The following BEGAIN variants were observed in gnomAD, a reference collection of about 807,000 sequenced individuals.
BEGAIN encodes the protein brain-enriched guanylate kinase-associated protein.
A neutral mutation model predicts 35.8 loss-of-function variants in BEGAIN; 19 were observed. That is an observed-to-expected ratio of 0.53 (90% CI 0.37 to 0.78). The LOEUF is 0.78. Ranked by LOEUF, BEGAIN falls within the 30% of genes least tolerant of loss-of-function variation. The pLI is 0.00. For missense variants in BEGAIN, 795 were observed against 853.6 expected (o/e 0.93, Z 0.85); for synonymous variants, 462 against 388.6 (o/e 1.19, Z -2.22).
Position 100,537,861 on chromosome 14 carries a change from G to T in BEGAIN, c.*108C>A, listed in dbSNP as rs897196373. On this transcript the variant is annotated 3_prime_UTR_variant, in exon 7 of 7. Coordinates refer to ENST00000554140, the MANE Select transcript of BEGAIN (RefSeq NM_001385089.1). ...TGCGGGGAGGAACAGACTCCTCGTT[G>T]TTGGCCGGGGCAGGGGAACAGCGGG... is the stretch of plus-strand genomic sequence containing the variant. 9.1e-6 allele frequency: 13 copies of T among 1,431,804 alleles called. No individual in the cohort carries two copies. The African/African-American group carries it at 1.6e-4, about 18-fold the overall frequency. 88.7% of individuals were successfully genotyped at this position (1,431,804 alleles called of 1,614,324 possible).
In BEGAIN at chr14:100,546,681, G is replaced by A. The variant is rs1287084771; in HGVS notation, c.72-19C>T. ...CAGCGCGCTGCAACGACATGGCGGC[G>A]GCGGGCCGGGCCGCGGCGCTGAGCG... On this transcript the variant is annotated intron_variant, in intron 2 of 6. Transcript: ENST00000554140. 3 of 1,543,878 alleles carry A rather than the reference G, an allele frequency of 1.9e-6. No individual in the cohort carries two copies. The highest frequency in any genetic ancestry group is 2.6e-6 in the Non-Finnish European group (3 of 1,150,242).
chr14:100,579,182 T>C (rs2139759775), intron 1 of BEGAIN, among the ~76,000 whole-genome samples: 1 of 152,320 alleles, frequency 6.6e-6, no homozygotes, highest in East Asian at 1.9e-4. Flanking sequence ...CTTCTTTAAC[T>C]TGAAAGAAAA....
intron 3 of BEGAIN, chr14:100,545,339 T>C (rs1175389889): frequency 1.5e-5 from 20 of 1,322,914 alleles, no homozygotes; most frequent in Non-Finnish European, 1.8e-5. Flanking sequence ...GGAAGGCTTG[T>C]TATTCACAAG....
intron 2 of BEGAIN, among the ~76,000 whole-genome samples, chr14:100,552,357 A>T (rs901318565): frequency 2.0e-5 from 3 of 152,190 alleles, no homozygotes. Context: ...CCAGGTAACA[A>T]CACTTGGATG....
intron 5 of BEGAIN, 60 bp from the exon 6 acceptor site, chr14:100,540,639 A>C (rs1368450998): frequency 6.6e-6 from 9 of 1,366,334 alleles, no homozygotes; most frequent in Admixed American, 2.0e-5. Flanking sequence ...CGCCGCCCTG[A>C]CCAGCGCCAA....
At chr14:100,585,979 C>T (rs893965012) in intron 1 of BEGAIN, among the ~76,000 whole-genome samples, 1 of 152,226 alleles carries the variant, frequency 6.6e-6, no homozygotes, top group African/African-American at 2.4e-5. Flanking sequence ...TAGTGAGAGT[C>T]GGGAAAATTA....
At chr14:100,552,735 C>T (rs1243575138) in intron 2 of BEGAIN, among the ~76,000 whole-genome samples, 3 of 152,236 alleles carry the variant, frequency 2.0e-5, no homozygotes, top group African/African-American at 4.8e-5. Flanking sequence ...ATGGCCCCAG[C>T]GGGAGCCAGT....
At chr14:100,574,805 G>A (rs568933506) in intron 1 of BEGAIN, among the ~76,000 whole-genome samples, 4 of 152,282 alleles carry the variant, frequency 2.6e-5, no homozygotes, top group South Asian at 2.1e-4. Context: ...TCACTCAGCC[G>A]GAAAGCCTCT....
rs944947800 is a variant in BEGAIN at position 100,554,879 on chromosome 14, GCCC to G, written c.72-8220_72-8218del. 2.0e-5 allele frequency among the ~76,000 whole-genome samples: 3 copies of G among 152,214 alleles called. No individual in the cohort carries two copies. In the East Asian group the frequency reaches 5.8e-4, roughly 29 times the overall value. The stretch of plus-strand genomic sequence containing the variant: ...CACAGCCCCAGCCTCGCCATTCCTG[GCCC>G]CCCCCACCTTCCCGCCAGGCACGCT... On this transcript the variant is annotated intron_variant, in intron 2 of 6. Transcript: ENST00000554140.
chr14:100,556,339 C>T (rs912007186), intron 2 of BEGAIN, among the ~76,000 whole-genome samples: 1 of 152,164 alleles, frequency 6.6e-6, no homozygotes, highest in Admixed American at 6.5e-5. Flanking sequence ...AGCCCTGCCC[C>T]GCTGCCCCCC....
Position 100,568,651 on chromosome 14 carries a change from AGCCGGGCAGCCCCTCCGCGC to A in BEGAIN, c.43-732_43-713del. On this transcript the variant is annotated intron_variant, in intron 1 of 6. Coordinates refer to ENST00000554140, the MANE Select transcript of BEGAIN (RefSeq NM_001385089.1). The surrounding 1 kb of genome is among the most constrained non-coding windows in gnomAD (Gnocchi z 7.5). The stretch of plus-strand genomic sequence containing the variant: ...AGACCCTCCCTGCCCAGCCCCGCTC[AGCCGGGCAGCCCCTCCGCGC>A]GCCGGGCAGGGGGACCCACCCGCCG... The A allele has an allele frequency of 3.8e-6, 2 of 524,080 alleles. No homozygotes were observed. The highest frequency in any genetic ancestry group is 4.9e-6 in the Non-Finnish European group (2 of 408,886). 32.5% of individuals were successfully genotyped at this position (524,080 alleles called of 1,614,324 possible).
chr14:100,538,615 G>A lies in BEGAIN; in HGVS notation c.1193C>T (p.Thr398Ile), dbSNP rs750907057. 18 of 1,549,604 alleles carry A rather than the reference G, an allele frequency of 1.2e-5. No individual in the cohort carries two copies. The highest frequency in any genetic ancestry group is 1.6e-5 in the Non-Finnish European group (18 of 1,146,430). Residue 398 changes from threonine (T) to isoleucine (I), a missense_variant, in exon 7 of 7, where the codon ACC becomes ATC. Thr to Ile is a moderately conservative substitution (Grantham distance 89, BLOSUM62 -1). Around this residue, in one of 3 missense-constraint regions of BEGAIN, gnomAD observed 664 missense variants for 647.7 expected, o/e 1.03. Coordinates refer to ENST00000554140, the MANE Select transcript of BEGAIN (RefSeq NM_001385089.1). The part of the protein sequence containing the change: ...GRTMSPYPAE[T>I]FRFPASPGPQ... ...ACCCGGAGAGGCCGGGAAGCGGAAGGTCTCGGCCGGGTACGGTGACATGGT... is the reference window on the plus strand; with the variant it reads ...ACCCGGAGAGGCCGGGAAGCGGAAGATCTCGGCCGGGTACGGTGACATGGT...
In BEGAIN at chr14:100,568,616, C is replaced by A; in HGVS notation, c.43-677G>T. The A allele has an allele frequency of 1.0e-6, 1 of 982,764 alleles. No homozygotes were observed. Among genetic ancestry groups the A allele is most frequent in the South Asian group, 1.6e-5 (1 of 63,774 alleles). The allele number at this position is 982,764 out of a possible 1,614,324, so 60.9% of individuals were successfully genotyped here. A position where few individuals can be genotyped will look rare whatever the true frequency, so the allele number is the denominator to read the frequency against. Reference sequence around the variant, plus strand: ...CCTTGCTTGCGCAGACCCGCCCGCGCGCGGCTTGGAGACCCTCCCTGCCCA... The same window carrying A: ...CCTTGCTTGCGCAGACCCGCCCGCGAGCGGCTTGGAGACCCTCCCTGCCCA... On this transcript the variant is annotated intron_variant, in intron 1 of 6. Transcript: ENST00000554140. The surrounding 1 kb of genome is among the most constrained non-coding windows in gnomAD (Gnocchi z 7.5).
In BEGAIN at chr14:100,558,076, C is replaced by A. The variant is rs1018371806; in HGVS notation, c.71+9835G>T. Among the ~76,000 whole-genome samples, 2 of 152,140 alleles carry A rather than the reference C, an allele frequency of 1.3e-5. No individual in the cohort carries two copies. Among genetic ancestry groups the A allele is most frequent in the African/African-American group, 4.8e-5 (2 of 41,420 alleles). ...TAGTCTCCCTCGCTCCTGAACCATC[C>A]ATTTTTCCCTCGCTTCCTGGTCATT... On this transcript the variant is annotated intron_variant, in intron 2 of 6. Coordinates refer to ENST00000554140, the MANE Select transcript of BEGAIN (RefSeq NM_001385089.1). This position sits in a 1 kb window ranked among gnomAD's most constrained non-coding sequence, Gnocchi z 4.6.
intron 2 of BEGAIN, among the ~76,000 whole-genome samples, chr14:100,562,354 C>T (rs2034332817): frequency 1.3e-5 from 2 of 152,216 alleles, no homozygotes; most frequent in South Asian, 4.1e-4. Context: ...GAGAACCCAA[C>T]CTGGATGCTG....
chr14:100,546,554 G>C lies in BEGAIN; in HGVS notation c.180C>G (p.Ile60Met). Residue 60 changes from isoleucine to methionine, a missense_variant, in exon 3 of 7, where the codon ATC becomes ATG. Physicochemically the swap from Ile to Met is conservative, Grantham distance 10 (BLOSUM62 1). Around this residue, in one of 3 missense-constraint regions of BEGAIN, gnomAD observed 58 missense variants for 62.7 expected, o/e 0.92. Coordinates refer to ENST00000554140, the MANE Select transcript of BEGAIN (RefSeq NM_001385089.1). The part of the protein sequence containing the change: ...EFDSTRHYLE[I>M]ELRRAQEELE... Reference sequence around the variant, plus strand: ...GTTCCTCCTGCGCGCGCCGCAGCTCGATCTCCAGGTAGTGGCGCGTGGAGT... The same window carrying C: ...GTTCCTCCTGCGCGCGCCGCAGCTCCATCTCCAGGTAGTGGCGCGTGGAGT... 6.3e-7 allele frequency: 1 copy of C among 1,582,554 alleles called. No individual in the cohort carries two copies. The highest frequency in any genetic ancestry group is 8.6e-7 in the Non-Finnish European group (1 of 1,168,972).
chr14:100,567,083 C>A lies in BEGAIN; in HGVS notation c.71+828G>T, dbSNP rs8006543. Among the ~76,000 whole-genome samples, 2 of 151,940 alleles carry A rather than the reference C, an allele frequency of 1.3e-5. No homozygotes were observed. Among genetic ancestry groups the A allele is most frequent in the Admixed American group, 1.3e-4 (2 of 15,270 alleles). ...GGGAGGGAGTGGCGAGGACGGAGAC[C>A]CTGTGGGCCAGGGGAGACAGTGCTG... On this transcript the variant is annotated intron_variant, in intron 2 of 6. Coordinates refer to ENST00000554140, the MANE Select transcript of BEGAIN (RefSeq NM_001385089.1). The surrounding 1 kb of genome is among the most constrained non-coding windows in gnomAD (Gnocchi z 5.1).
At chr14:100,543,313 T>G (rs1162639828) in intron 5 of BEGAIN, among the ~76,000 whole-genome samples, 7 of 152,084 alleles carry the variant, frequency 4.6e-5, no homozygotes, top group Admixed American at 1.3e-4. Flanking sequence ...TTTGTTTTTT[T>G]TTTTGCCTGT....
chr14:100,537,847 A>G lies in BEGAIN; in HGVS notation c.*122T>C, dbSNP rs1451581070. On this transcript the variant is annotated 3_prime_UTR_variant, in exon 7 of 7. Transcript: ENST00000554140. ...GGGAGGAGAGGAGGTGCGGGGAGGA[A>G]CAGACTCCTCGTTGTTGGCCGGGGC... The G allele has an allele frequency of 9.4e-6, 13 of 1,386,102 alleles. No individual in the cohort carries two copies. In the East Asian group the frequency reaches 1.3e-4, roughly 14 times the overall value. The allele number at this position is 1,386,102 out of a possible 1,614,324, so 85.9% of individuals were successfully genotyped here. A position where few individuals can be genotyped will look rare whatever the true frequency, so the allele number is the denominator to read the frequency against.
Sources: gnomAD v4.1 joint callset for allele counts (sites outside exome capture counted in the v4.1 genomes callset) on GRCh38, gnomAD v4.1.1 for gene constraint, gnomAD v4.1.1 regional missense constraint, Gnocchi (gnomAD v3.1) non-coding constraint, MANE v1.5 for transcripts, NCBI Gene and HGNC (gene_info 2026-07-23, HGNC 2026-07-21) for gene names.